Variants in PRSS22 observed in about 807,000 individuals in gnomAD.
PRSS22 encodes the protein brain-specific serine protease 4.
In PRSS22, 26 loss-of-function variants were observed where a neutral mutation model predicts 28.0. That is an observed-to-expected ratio of 0.93 (90% CI 0.68 to 1.29). The LOEUF is 1.29. Ranked by LOEUF, PRSS22 falls within the 50% of genes most tolerant of loss-of-function variation. PRSS22 has a pLI of 0.00. For missense variants in PRSS22, 444 were observed against 422.1 expected (o/e 1.05, Z -0.46); for synonymous variants, 217 against 177.9 (o/e 1.22, Z -1.75).
Position 2,853,231 on chromosome 16 carries a change from G to C in PRSS22, c.816C>G (p.Pro272=), listed in dbSNP as rs773989106. ...WGEGCAERNR[P]GVYISLSAHR... ...GCGCAGAGAGGCTGATGTAGACCCC[G>C]GGCCTGTTGCGCTCGGCACAGCCCT... The change falls in exon 6 of 6, where the codon CCC becomes CCG. Residue 272 remains proline, a synonymous_variant. Coordinates refer to ENST00000161006, the MANE Select transcript of PRSS22 (RefSeq NM_022119.4). This position sits in a 1 kb window ranked among gnomAD's most constrained non-coding sequence, Gnocchi z 4.6. 1 of 1,600,780 alleles carries C rather than the reference G, an allele frequency of 6.2e-7. No individual in the cohort carries two copies. Among genetic ancestry groups the C allele is most frequent in the Non-Finnish European group, 8.5e-7 (1 of 1,179,718 alleles).
chr16:2,856,261 G>A lies in PRSS22; in HGVS notation c.110-8C>T, dbSNP rs771844181. 2.5e-6 allele frequency: 4 copies of A among 1,612,788 alleles called. No homozygotes were observed. The South Asian group carries it at 3.3e-5, about 13-fold the overall frequency. On this transcript the variant is annotated splice_polypyrimidine_tract_variant and splice_region_variant and intron_variant, in intron 2 of 5. Coordinates refer to ENST00000161006, the MANE Select transcript of PRSS22 (RefSeq NM_022119.4). ...TCCCACAGGCTGGGGGAACTGGAGG[G>A]TACGGTCAAGTTTTGTTATCTCCAA...
At chr16:2,854,420 C>G (rs2069436083) in intron 4 of PRSS22, 1 of 193,292 alleles carries the variant, frequency 5.2e-6, no homozygotes, top group African/African-American at 2.3e-5. Flanking sequence ...AGCTGGTCTA[C>G]AGACTGTGGT....
intron 4 of PRSS22, chr16:2,854,341 A>C: frequency 3.8e-6 from 1 of 265,556 alleles, no homozygotes; most frequent in Admixed American, 4.6e-5. Context: ...CTATAGAAGA[A>C]GTGTTCAATA....
intron 4 of PRSS22, among the ~76,000 whole-genome samples, chr16:2,854,841 A>G (rs754442538): frequency 4.7e-4 from 72 of 152,216 alleles, no homozygotes; most frequent in South Asian, 8.3e-4. Flanking sequence ...TTTTACAATT[A>G]AGGTGGCTGC....
rs763641591 is a variant in PRSS22, at chr16:2,856,807, G to C, written c.109+15C>G. On this transcript the variant is annotated intron_variant, in intron 2 of 5. Transcript: ENST00000161006. ...CTCCCTTCTCCCTCCCGTCAGAGCTGCCAGCTCCACTCACCAGGTATCCTG... is the reference window on the plus strand; with the variant it reads ...CTCCCTTCTCCCTCCCGTCAGAGCTCCCAGCTCCACTCACCAGGTATCCTG... 1 of 1,551,912 alleles carries C rather than the reference G, an allele frequency of 6.4e-7. No homozygotes were observed. The highest frequency in any genetic ancestry group is 1.2e-5 in the South Asian group (1 of 84,052).
At chr16:2,855,102 C>G (rs1382580777) in intron 4 of PRSS22, among the ~76,000 whole-genome samples, 1 of 152,066 alleles carries the variant, frequency 6.6e-6, no homozygotes, top group Non-Finnish European at 1.5e-5. Context: ...AATCCCGGCA[C>G]TTTGGGAGGC....
intron 2 of PRSS22, 87 bp from the exon 3 acceptor site, chr16:2,856,340 T>A: frequency 1.4e-6 from 2 of 1,403,646 alleles, no homozygotes; most frequent in Non-Finnish European, 2.0e-6. Context: ...CCCCAAGCTT[T>A]GCCCACAGCC....
Position 2,852,838 on chromosome 16 carries a change from C to CA in PRSS22, c.*254_*255insT. On this transcript the variant is annotated 3_prime_UTR_variant, in exon 6 of 6. Coordinates refer to ENST00000161006, the MANE Select transcript of PRSS22 (RefSeq NM_022119.4). ...TTTATATACACAAAAGCGCTGGGGC[C>CA]CGGGGCGGGGCCGGAAGTCGTGGGG... 3 of 367,684 alleles carry CA rather than the reference C, an allele frequency of 8.2e-6. No homozygotes were observed. Among genetic ancestry groups the CA allele is most frequent in the Non-Finnish European group, 1.3e-5 (3 of 229,062 alleles). 22.8% of individuals were successfully genotyped at this position (367,684 alleles called of 1,614,324 possible).
In PRSS22 at chr16:2,854,284, C is replaced by A; in HGVS notation, c.560-262G>T. On this transcript the variant is annotated intron_variant, in intron 4 of 5. Transcript: ENST00000161006. The stretch of plus-strand genomic sequence containing the variant: ...TTCTTATATCCACAGATGGTTAGAG[C>A]CCTTCCTGTCTCAGATACTGCATTA... 4 of 434,128 alleles carry A rather than the reference C, an allele frequency of 9.2e-6. No individual in the cohort carries two copies. In the South Asian group the frequency reaches 1.2e-4, roughly 13 times the overall value. The allele number at this position is 434,128 out of a possible 1,614,324, so 26.9% of individuals were successfully genotyped here.
chr16:2,853,952 A>G lies in PRSS22; in HGVS notation c.630T>C (p.His210=). 6.2e-7 allele frequency: 1 copy of G among 1,614,174 alleles called. No homozygotes were observed. The highest frequency in any genetic ancestry group is 8.5e-7 in the Non-Finnish European group (1 of 1,180,014). Residue 210 remains histidine (H), a synonymous_variant, in exon 5 of 6, where the codon CAT becomes CAC. Transcript: ENST00000161006. The surrounding 1 kb of genome is among the most constrained non-coding windows in gnomAD (Gnocchi z 4.6). ...VPIIDSEVCS[H]LYWRGAGQGP... is the part of the protein sequence containing the mutation. ...CCTGTCCTGCTCCCCGCCAGTACAGATGGCTGCAGACTTCCGAGTCGATGA... is the reference window on the plus strand; with the variant it reads ...CCTGTCCTGCTCCCCGCCAGTACAGGTGGCTGCAGACTTCCGAGTCGATGA...
At chr16:2,856,341 G>C (rs895061057) in intron 2 of PRSS22, 88 bp from the exon 3 acceptor site, 2 of 1,381,308 alleles carry the variant, frequency 1.4e-6, no homozygotes, top group Non-Finnish European at 2.0e-6. Flanking sequence ...CCCAAGCTTT[G>C]CCCACAGCCC....
intron 1 of PRSS22, among the ~76,000 whole-genome samples, chr16:2,857,357 G>A (rs1380891856): frequency 1.5e-5 from 2 of 132,662 alleles, no homozygotes; most frequent in African/African-American, 5.8e-5. Context: ...TGAGGAGGGG[G>A]TCCCAGCGCC....
At chr16:2,857,105 G>C (rs114010092) in intron 1 of PRSS22, 7 of 569,854 alleles carry the variant, frequency 1.2e-5, no homozygotes, top group Non-Finnish European at 2.2e-5. Context: ...GGGTCCCTCA[G>C]CGCCCAGCGA....
rs1344381057 is a variant in PRSS22 at position 2,856,828 on chromosome 16, T to C, written c.103A>G (p.Ile35Val). The C allele has an allele frequency of 1.4e-5, 21 of 1,551,970 alleles. No homozygotes were observed. The highest frequency in any genetic ancestry group is 1.7e-5 in the Non-Finnish European group (19 of 1,147,126). Reference sequence around the variant, plus strand: ...AGCTGCCAGCTCCACTCACCAGGTATCCTGGCCGCATTGAGGATGGCTGAG... The same window carrying C: ...AGCTGCCAGCTCCACTCACCAGGTACCCTGGCCGCATTGAGGATGGCTGAG... ...ASTAILNAARIPVPPACGKPQ... is the reference protein window; with the variant it reads ...ASTAILNAARVPVPPACGKPQ... Residue 35 changes from isoleucine to valine, a missense_variant, in exon 2 of 6, where the codon ATA becomes GTA. Ile to Val is a conservative substitution (Grantham distance 29). Transcript: ENST00000161006.
intron 1 of PRSS22, among the ~76,000 whole-genome samples, chr16:2,857,367 C>T (rs1173233436): frequency 8.0e-5 from 12 of 150,564 alleles, no homozygotes; most frequent in East Asian, 7.8e-4. Context: ...GTCCCAGCGC[C>T]CAGTGAGGAG....
chr16:2,857,086 C>A (rs1596326755), intron 1 of PRSS22: 1 of 594,588 alleles, frequency 1.7e-6, no homozygotes, highest in African/African-American at 1.9e-5. Context: ...TCCCAGTACC[C>A]AGTGAGGAGG....
intron 1 of PRSS22, chr16:2,857,078 C>T (rs1472177214): frequency 3.3e-6 from 2 of 606,432 alleles, no homozygotes; most frequent in African/African-American, 3.8e-5. Context: ...AGGAGGGGTC[C>T]CAGTACCCAG....
chr16:2,855,115 A>G (rs958329950), intron 4 of PRSS22, among the ~76,000 whole-genome samples: 1 of 152,138 alleles, frequency 6.6e-6, no homozygotes, highest in Admixed American at 6.5e-5. Context: ...TGGGAGGCTG[A>G]GGCTGGTGGA....
In PRSS22 at chr16:2,852,956, G is replaced by A. The variant is rs2069417782; in HGVS notation, c.*137C>T. ...TCGGGGAGGGGGTTTCCTTTCCGCA[G>A]CAGCCGTCCGGGCCCCCAGAGGTAG... On this transcript the variant is annotated 3_prime_UTR_variant, in exon 6 of 6. Transcript: ENST00000161006. 4.8e-6 allele frequency: 3 copies of A among 627,248 alleles called. No homozygotes were observed. Among genetic ancestry groups the A allele is most frequent in the Non-Finnish European group, 7.6e-6 (3 of 392,368 alleles). The allele number at this position is 627,248 out of a possible 1,614,324, so 38.9% of individuals were successfully genotyped here.
Sources: allele counts gnomAD v4.1 joint callset (sites outside exome capture counted in the v4.1 genomes callset), GRCh38; gene constraint gnomAD v4.1.1; non-coding constraint Gnocchi (gnomAD v3.1); transcripts MANE v1.5; gene names NCBI Gene and HGNC (gene_info 2026-07-23, HGNC 2026-07-21).